Variants in LRMDA observed in about 807,000 individuals in gnomAD.
LRMDA encodes the protein leucine-rich melanocyte differentiation-associated protein.
In LRMDA, 18 loss-of-function variants were observed where a neutral mutation model predicts 29.8. That is an observed-to-expected ratio of 0.60 (90% CI 0.42 to 0.90). The LOEUF is 0.90. Ranked by LOEUF, LRMDA falls within the 40% of genes least tolerant of loss-of-function variation. The pLI is 0.00. For synonymous variants in LRMDA, 125 were observed against 109.4 expected, an observed-to-expected ratio of 1.14 and a Z score of -0.89; for missense variants, 273 against 273.9, an observed-to-expected ratio of 1.00 and a Z score of 0.02.
chr10:76,085,986 C>A (rs533219268), intron 5 of LRMDA, among the ~76,000 whole-genome samples: 101 of 152,346 alleles, frequency 6.6e-4, no homozygotes, highest in African/African-American at 2.3e-3. Context: ...TCCTCCTTCT[C>A]ATGCTTCACT....
chr10:75,696,006 A>G (rs939589295), intron 2 of LRMDA, among the ~76,000 whole-genome samples: 1 of 152,192 alleles, frequency 6.6e-6, no homozygotes, highest in Admixed American at 6.5e-5. Context: ...GCTGTACCTT[A>G]AGAAGTGAAA....
In LRMDA at chr10:76,061,823, G is replaced by A. The variant is rs766091073; in HGVS notation, c.516+3040G>A. On this transcript the variant is annotated intron_variant, in intron 5 of 6. Coordinates refer to ENST00000611255, the MANE Select transcript of LRMDA (RefSeq NM_001305581.2). ...TCTTCTGTGTTCTTGGTTTCATATC[G>A]AACTGGATGCCTACATTGAATGGCA... Among the ~76,000 whole-genome samples the A allele has an allele frequency of 3.3e-5, 5 of 152,108 alleles. No homozygotes were observed. In the East Asian group the frequency reaches 5.8e-4, roughly 18 times the overall value.
At chr10:76,259,711 T>G (rs1381516277) in intron 5 of LRMDA, among the ~76,000 whole-genome samples, 1 of 152,110 alleles carries the variant, frequency 6.6e-6, no homozygotes, top group African/African-American at 2.4e-5. Flanking sequence ...TCCCTTTAGA[T>G]CTAATAATAT....
chr10:76,222,816 T>C (rs373592954), intron 5 of LRMDA, among the ~76,000 whole-genome samples: 2 of 152,158 alleles, frequency 1.3e-5, no homozygotes, highest in East Asian at 1.9e-4. Context: ...CACATGCACA[T>C]GTATGTTTAT....
intron 2 of LRMDA, among the ~76,000 whole-genome samples, chr10:75,860,956 C>T (rs1312182627): frequency 6.6e-6 from 1 of 152,170 alleles, no homozygotes; most frequent in Non-Finnish European, 1.5e-5. Flanking sequence ...TTATTGACCT[C>T]TCAGGATGGT....
chr10:76,370,010 G>C (rs1197318785), intron 6 of LRMDA, among the ~76,000 whole-genome samples: 2 of 152,046 alleles, frequency 1.3e-5, no homozygotes, highest in Non-Finnish European at 2.9e-5. Context: ...AGCCAAGACT[G>C]TACCTATAAT....
At chr10:76,272,486 T>A (rs1840080416) in intron 5 of LRMDA, among the ~76,000 whole-genome samples, 1 of 152,174 alleles carries the variant, frequency 6.6e-6, no homozygotes, top group African/African-American at 2.4e-5. Flanking sequence ...TCACAAAGGT[T>A]TGGAAAATGC....
At chr10:75,739,892 G>T (rs1249558448) in intron 2 of LRMDA, among the ~76,000 whole-genome samples, 1 of 152,114 alleles carries the variant, frequency 6.6e-6, no homozygotes, top group East Asian at 1.9e-4. Context: ...TGCAATATGC[G>T]AAATAAAATG....
Position 76,295,530 on chromosome 10 carries a change from A to G in LRMDA, c.517-28871A>G, listed in dbSNP as rs142132148. On this transcript the variant is annotated intron_variant, in intron 5 of 6. Coordinates refer to ENST00000611255, the MANE Select transcript of LRMDA (RefSeq NM_001305581.2). ...ACCAGGCACAGTTTGAGTTTCTAAAAGTTGAATGAGCTTTCATGGACACTG... is the reference window on the plus strand; with the variant it reads ...ACCAGGCACAGTTTGAGTTTCTAAAGGTTGAATGAGCTTTCATGGACACTG... 1.3e-3 allele frequency among the ~76,000 whole-genome samples: 204 copies of G among 152,328 alleles called. 2 individuals carry two copies. Among genetic ancestry groups the G allele is most frequent in the African/African-American group, 4.6e-3 (192 of 41,570 alleles).
At chr10:76,007,815 G>A (rs932134340) in intron 2 of LRMDA, among the ~76,000 whole-genome samples, 4 of 152,168 alleles carry the variant, frequency 2.6e-5, no homozygotes, top group Non-Finnish European at 4.4e-5. Context: ...AGCCGAGGCC[G>A]TCTTTGTGAT....
intron 6 of LRMDA, among the ~76,000 whole-genome samples, chr10:76,397,741 A>G (rs920835185): frequency 1.3e-5 from 2 of 152,194 alleles, no homozygotes; most frequent in African/African-American, 4.8e-5. Context: ...TCGCCTCAAC[A>G]GTTCCCCTGC....
In LRMDA at chr10:75,579,043, G is replaced by A. The variant is rs570008680; in HGVS notation, c.131+140549G>A. Among the ~76,000 whole-genome samples the A allele has an allele frequency of 2.2e-4, 33 of 152,226 alleles. 3 individuals carry two copies. The South Asian group carries it at 4.6e-3, about 21-fold the overall frequency. ...GAGCAAACAAATTCAAAATCTAGCAGAAGGCAAGAAATAACTAAGATCAGA... is the reference window on the plus strand; with the variant it reads ...GAGCAAACAAATTCAAAATCTAGCAAAAGGCAAGAAATAACTAAGATCAGA... On this transcript the variant is annotated intron_variant, in intron 2 of 6. Transcript: ENST00000611255.
At chr10:76,162,474 C>T (rs941804089) in intron 5 of LRMDA, among the ~76,000 whole-genome samples, 1 of 152,158 alleles carries the variant, frequency 6.6e-6, no homozygotes, top group Non-Finnish European at 1.5e-5. Flanking sequence ...GCTCACAGTC[C>T]TGCAGCCTGT....
intron 6 of LRMDA, among the ~76,000 whole-genome samples, chr10:76,370,552 C>T (rs1310600401): frequency 1.3e-5 from 2 of 152,098 alleles, no homozygotes; most frequent in Non-Finnish European, 2.9e-5. Context: ...TTTTTGCTTT[C>T]CACAGTTTCA....
intron 6 of LRMDA, among the ~76,000 whole-genome samples, chr10:76,426,456 T>G: frequency 6.6e-6 from 1 of 152,208 alleles, no homozygotes; most frequent in East Asian, 1.9e-4. Context: ...GTTGTTTGTT[T>G]TTTTCTTGTA....
intron 2 of LRMDA, among the ~76,000 whole-genome samples, chr10:75,505,412 C>CCA (rs1456803616): frequency 6.6e-6 from 1 of 152,110 alleles, no homozygotes; most frequent in African/African-American, 2.4e-5. Context: ...AGTCTCATGG[C>CCA]CACACATAGT....
intron 6 of LRMDA, among the ~76,000 whole-genome samples, chr10:76,343,131 G>A (rs1358051984): frequency 6.6e-6 from 1 of 152,160 alleles, no homozygotes; most frequent in African/African-American, 2.4e-5. Flanking sequence ...AGTACAAGCT[G>A]GCTTTTGCAT....
chr10:75,729,030 TCTGG>T (rs1264116699), intron 2 of LRMDA, among the ~76,000 whole-genome samples: 1 of 152,174 alleles, frequency 6.6e-6, no homozygotes, highest in Non-Finnish European at 1.5e-5. Context: ...GGCTGCCTTC[TCTGG>T]GAAGGCTTTC....
chr10:75,744,674 C>G (rs1589183391), intron 2 of LRMDA, among the ~76,000 whole-genome samples: 1 of 152,166 alleles, frequency 6.6e-6, no homozygotes, highest in East Asian at 1.9e-4. Context: ...GAAACAGAAT[C>G]AGGACTTAGA....
Sources: gnomAD v4.1 joint callset for allele counts (sites outside exome capture counted in the v4.1 genomes callset) on GRCh38, gnomAD v4.1.1 for gene constraint, MANE v1.5 for transcripts, NCBI Gene and HGNC (gene_info 2026-07-23, HGNC 2026-07-21) for gene names.